The following FBXO8 variants were observed in gnomAD, a reference collection of about 807,000 sequenced individuals.
FBXO8 encodes the protein F-box protein 8.
In FBXO8, 15 loss-of-function variants were observed where a neutral mutation model predicts 33.4. The ratio of observed to expected loss-of-function variants is 0.45; its 90% CI spans 0.30 to 0.69. The LOEUF (loss-of-function observed/expected upper bound fraction) is 0.69, where lower values mean the gene tolerates loss of function less well. Ranked by LOEUF, FBXO8 falls within the 30% of genes least tolerant of loss-of-function variation. FBXO8 has a pLI of 0.08. For missense variants in FBXO8, 274 were observed against 380.3 expected (o/e 0.72, Z 2.32); for synonymous variants, 132 against 131.5 (o/e 1.00, Z -0.02).
At position 174,281,719 on chromosome 4, in the gene FBXO8, T is replaced by C. The variant is rs1737092091; in HGVS notation, c.-9+1691A>G. On this transcript the variant is annotated intron_variant, in intron 1 of 5. Coordinates refer to ENST00000393674, the MANE Select transcript of FBXO8 (RefSeq NM_012180.3). The surrounding 1 kb of genome is among the most constrained non-coding windows in gnomAD (Gnocchi z 4.6). ...AAAAATACTTGCCCCAAATATGATA[T>C]AAATTTATTCAAGTCAGCCAAAAAT... 1.3e-5 allele frequency among the ~76,000 whole-genome samples: 2 copies of C among 152,102 alleles called. No homozygotes were observed. Among genetic ancestry groups the C allele is most frequent in the East Asian group, 1.9e-4 (1 of 5,192 alleles).
At chr4:174,271,492 C>A (rs1736837645) in intron 1 of FBXO8, among the ~76,000 whole-genome samples, 1 of 152,076 alleles carries the variant, frequency 6.6e-6, no homozygotes, top group Admixed American at 6.5e-5. Context: ...GTATATGTAA[C>A]AATGGACCAC....
In FBXO8 at chr4:174,245,049, T is replaced by C. The variant is rs76877388; in HGVS notation, c.457-3831A>G. Among the ~76,000 whole-genome samples the C allele has an allele frequency of 0.016, 2,413 of 151,924 alleles. 106 individuals are homozygous for C. The highest frequency in any genetic ancestry group is 0.11 in the East Asian group (560 of 5,166). ...AACATGAAGCAATACATTAAAATTG[T>C]CCACATTTTATTTTTGAAACATATT... On this transcript the variant is annotated intron_variant, in intron 3 of 5. Transcript: ENST00000393674. This position sits in a 1 kb window ranked among gnomAD's most constrained non-coding sequence, Gnocchi z 4.6.
rs6851312 is a variant in FBXO8 at position 174,247,002 on chromosome 4, A to G, written c.457-5784T>C. ...ACTAAAGGAGTGCCAAGCAGCAGTG[A>G]GAATCTAGGTGAAGTTAATGTGAAT... On this transcript the variant is annotated intron_variant, in intron 3 of 5. Coordinates refer to ENST00000393674, the MANE Select transcript of FBXO8 (RefSeq NM_012180.3). This position sits in a 1 kb window ranked among gnomAD's most constrained non-coding sequence, Gnocchi z 4.6. 0.31 allele frequency among the ~76,000 whole-genome samples: 47,353 copies of G among 151,844 alleles called. 7,910 individuals are homozygous for G. Among genetic ancestry groups the G allele is most frequent in the Non-Finnish European group, 0.37 (24,877 of 67,884 alleles).
Position 174,254,331 on chromosome 4 carries a change from G to A in FBXO8, c.456+5368C>T, listed in dbSNP as rs983812974. ...CTACTACCTGTAAGTTTATTCCTGA[G>A]AGATTCACTTTCAGTAGAAAGATAA... On this transcript the variant is annotated intron_variant, in intron 3 of 5. Coordinates refer to ENST00000393674, the MANE Select transcript of FBXO8 (RefSeq NM_012180.3). This position sits in a 1 kb window ranked among gnomAD's most constrained non-coding sequence, Gnocchi z 4.2. Among the ~76,000 whole-genome samples the A allele has an allele frequency of 1.3e-5, 2 of 152,260 alleles. No homozygotes were observed. The highest frequency in any genetic ancestry group is 1.5e-5 in the Non-Finnish European group (1 of 68,014).
rs1446515712 is a variant in FBXO8 at position 174,277,840 on chromosome 4, T to C, written c.-9+5570A>G. 6.6e-6 allele frequency among the ~76,000 whole-genome samples: 1 copy of C among 152,174 alleles called. No homozygotes were observed. The highest frequency in any genetic ancestry group is 2.1e-4 in the South Asian group (1 of 4,834). On this transcript the variant is annotated intron_variant, in intron 1 of 5. Transcript: ENST00000393674. This position sits in a 1 kb window ranked among gnomAD's most constrained non-coding sequence, Gnocchi z 4.9. Reference sequence around the variant, plus strand: ...CTAACGATAAGGAAATCCACTTATATGTTTTTATAAATTTTCAGTGCTTTT... The same window carrying C: ...CTAACGATAAGGAAATCCACTTATACGTTTTTATAAATTTTCAGTGCTTTT...
Position 174,270,176 on chromosome 4 carries a change from A to C in FBXO8, c.-8-7076T>G, listed in dbSNP as rs1736804157. Among the ~76,000 whole-genome samples the C allele has an allele frequency of 6.6e-6, 1 of 152,178 alleles. No homozygotes were observed. Among genetic ancestry groups the C allele is most frequent in the African/African-American group, 2.4e-5 (1 of 41,450 alleles). ...AAACATGCCACATTAGCCGAGACAG[A>C]GCTATTTTATTAAATTAATCTCATG... On this transcript the variant is annotated intron_variant, in intron 1 of 5. Transcript: ENST00000393674. This position sits in a 1 kb window ranked among gnomAD's most constrained non-coding sequence, Gnocchi z 4.6.
intron 1 of FBXO8, among the ~76,000 whole-genome samples, chr4:174,271,825 A>G (rs1200342849): frequency 6.6e-6 from 1 of 152,228 alleles, no homozygotes; most frequent in Non-Finnish European, 1.5e-5. Flanking sequence ...TCCTGATTTC[A>G]TCTGGTAACT....
chr4:174,250,563 A>G (rs1232949405), intron 3 of FBXO8, among the ~76,000 whole-genome samples: 1 of 152,128 alleles, frequency 6.6e-6, no homozygotes, highest in African/African-American at 2.4e-5. Flanking sequence ...ATTTTGTTAT[A>G]AAGAAGGCAT....
intron 1 of FBXO8, among the ~76,000 whole-genome samples, chr4:174,280,058 C>G (rs1327549801): frequency 6.6e-6 from 1 of 151,632 alleles, no homozygotes; most frequent in Non-Finnish European, 1.5e-5. Flanking sequence ...AAAAAGGCAA[C>G]CCACCGAATG....
chr4:174,281,038 T>C lies in FBXO8; in HGVS notation c.-9+2372A>G, dbSNP rs1399034518. On this transcript the variant is annotated intron_variant, in intron 1 of 5. Coordinates refer to ENST00000393674, the MANE Select transcript of FBXO8 (RefSeq NM_012180.3). This position sits in a 1 kb window ranked among gnomAD's most constrained non-coding sequence, Gnocchi z 4.6. ...AAGATGGTAAATTTTATGTTACGTA[T>C]ATTTTACTACAATTTAAAAATTGGA... Among the ~76,000 whole-genome samples the C allele has an allele frequency of 6.6e-6, 1 of 152,206 alleles. No individual in the cohort carries two copies. Among genetic ancestry groups the C allele is most frequent in the Non-Finnish European group, 1.5e-5 (1 of 68,036 alleles).
At chr4:174,258,108 G>T (rs2126432042) in intron 3 of FBXO8, among the ~76,000 whole-genome samples, 1 of 152,190 alleles carries the variant, frequency 6.6e-6, no homozygotes, top group South Asian at 2.1e-4. Context: ...TCTAAATAAA[G>T]AATTAAGAAT....
At chr4:174,264,114 A>T (rs565349476) in intron 1 of FBXO8, among the ~76,000 whole-genome samples, 4 of 152,328 alleles carry the variant, frequency 2.6e-5, no homozygotes, top group South Asian at 4.1e-4. Flanking sequence ...GTGTTTCAAA[A>T]ACTTGGAAAA....
chr4:174,257,713 T>A lies in FBXO8; in HGVS notation c.456+1986A>T, dbSNP rs1736447665. On this transcript the variant is annotated intron_variant, in intron 3 of 5. Transcript: ENST00000393674. This position sits in a 1 kb window ranked among gnomAD's most constrained non-coding sequence, Gnocchi z 4.3. ...TGAGACAGGGTCTCACTCTCACAGC[T>A]TATTGCACTCTTGACCTCTGGGGCT... Among the ~76,000 whole-genome samples the A allele has an allele frequency of 6.6e-6, 1 of 152,106 alleles. No individual in the cohort carries two copies. Among genetic ancestry groups the A allele is most frequent in the South Asian group, 2.1e-4 (1 of 4,832 alleles).
rs377031241 is a variant in FBXO8, at chr4:174,278,167, G to A, written c.-9+5243C>T. Among the ~76,000 whole-genome samples, 3 of 152,044 alleles carry A rather than the reference G, an allele frequency of 2.0e-5. No individual in the cohort carries two copies. Among genetic ancestry groups the A allele is most frequent in the South Asian group, 2.1e-4 (1 of 4,830 alleles). On this transcript the variant is annotated intron_variant, in intron 1 of 5. Coordinates refer to ENST00000393674, the MANE Select transcript of FBXO8 (RefSeq NM_012180.3). The surrounding 1 kb of genome is among the most constrained non-coding windows in gnomAD (Gnocchi z 4.1). ...ATGTAGAGAAATAAAGGAAGGGTAA[G>A]TCCACAAGGAGGTCTTTCTAAGGAG...
At chr4:174,269,350 A>G (rs1736777684) in intron 1 of FBXO8, among the ~76,000 whole-genome samples, 1 of 152,186 alleles carries the variant, frequency 6.6e-6, no homozygotes, top group South Asian at 2.1e-4. Flanking sequence ...AAAAACCCCA[A>G]AGCAATCGCA....
intron 3 of FBXO8, among the ~76,000 whole-genome samples, chr4:174,249,032 C>G (rs1736227946): frequency 6.6e-6 from 1 of 151,910 alleles, no homozygotes; most frequent in Non-Finnish European, 1.5e-5. Context: ...ATAACATGAA[C>G]CTAATTTTCT....
chr4:174,248,430 T>C (rs1736208493), intron 3 of FBXO8, among the ~76,000 whole-genome samples: 1 of 152,010 alleles, frequency 6.6e-6, no homozygotes, highest in African/African-American at 2.4e-5. Flanking sequence ...AGGCTCTGTG[T>C]TACACAGAAC....
chr4:174,237,344 C>T lies in FBXO8; in HGVS notation c.*68G>A, dbSNP rs955208850. 1.8e-4 allele frequency: 242 copies of T among 1,347,700 alleles called. 1 individual carries two copies. Among genetic ancestry groups the T allele is most frequent in the Non-Finnish European group, 2.0e-4 (192 of 960,888 alleles). 83.5% of individuals were successfully genotyped at this position (1,347,700 alleles called of 1,614,324 possible). ...ACAATGACCAGCACTGATGTAACCC[C>T]CATATCTGCTAAGTCCTTGGGTAGC... On this transcript the variant is annotated 3_prime_UTR_variant, in exon 6 of 6. Coordinates refer to ENST00000393674, the MANE Select transcript of FBXO8 (RefSeq NM_012180.3). This position sits in a 1 kb window ranked among gnomAD's most constrained non-coding sequence, Gnocchi z 4.4.
At position 174,277,561 on chromosome 4, in the gene FBXO8, C is replaced by G. The variant is rs1249803817; in HGVS notation, c.-9+5849G>C. Among the ~76,000 whole-genome samples the G allele has an allele frequency of 6.6e-6, 1 of 152,070 alleles. No homozygotes were observed. ...AGAATAGAAAGGAGTCCGGATGTCT[C>G]AAAAAAGCATTCTGCTTTAAGTACT... is the stretch of plus-strand genomic sequence containing the variant. On this transcript the variant is annotated intron_variant, in intron 1 of 5. Transcript: ENST00000393674. The surrounding 1 kb of genome is among the most constrained non-coding windows in gnomAD (Gnocchi z 4.9).
Sources: allele counts gnomAD v4.1 joint callset (sites outside exome capture counted in the v4.1 genomes callset), GRCh38; gene constraint gnomAD v4.1.1; non-coding constraint Gnocchi (gnomAD v3.1); transcripts MANE v1.5; gene names NCBI Gene and HGNC (gene_info 2026-07-23, HGNC 2026-07-21).